The following KCTD1 variants were observed in gnomAD, a reference collection of about 807,000 sequenced individuals.
KCTD1 encodes BTB/POZ domain-containing protein KCTD1.
KCTD1 carries 24 observed loss-of-function variants against 66.0 expected under a neutral mutation model. The ratio of observed to expected loss-of-function variants is 0.36; its 90% CI spans 0.26 to 0.51. The LOEUF (loss-of-function observed/expected upper bound fraction) is 0.51, where lower values mean the gene tolerates loss of function less well. Ranked by LOEUF, KCTD1 falls within the 20% of genes least tolerant of loss-of-function variation. The pLI is 0.95. For missense variants in KCTD1, 943 were observed against 1,205.2 expected, an observed-to-expected ratio of 0.78 and a Z score of 3.22; for synonymous variants, 511 against 517.2, an observed-to-expected ratio of 0.99 and a Z score of 0.16.
In KCTD1 at chr18:26,611,918, G is replaced by A. The variant is rs567010981; in HGVS notation, c.-16+17229C>T. On this transcript the variant is annotated intron_variant, in intron 1 of 4. Transcript: ENST00000317932. Reference sequence around the variant, plus strand: ...TTTTGGGGTTTTGCTTTTAAGATTTGTTAGGTGGCTCTGGAGTAGTGCTTA... The same window carrying A: ...TTTTGGGGTTTTGCTTTTAAGATTTATTAGGTGGCTCTGGAGTAGTGCTTA... Among the ~76,000 whole-genome samples the A allele has an allele frequency of 7.9e-5, 12 of 152,268 alleles. No individual in the cohort carries two copies. The South Asian group carries it at 2.5e-3, about 32-fold the overall frequency.
intron 1 of KCTD1, among the ~76,000 whole-genome samples, chr18:26,579,342 G>T (rs992740021): frequency 2.0e-5 from 3 of 152,060 alleles, no homozygotes; most frequent in Admixed American, 1.3e-4. Flanking sequence ...GACACACTTG[G>T]CAATCAAAAC....
At chr18:26,583,393 C>CA (rs55720907) in intron 1 of KCTD1, among the ~76,000 whole-genome samples, 4,168 of 83,694 alleles carry the variant, frequency 0.05, 150 homozygotes, top group Middle Eastern at 0.12. Flanking sequence ...GACTTTGTCT[C>CA]AAAAAAAAAA....
intron 3 of KCTD1, among the ~76,000 whole-genome samples, chr18:26,464,781 T>A (rs1377844985): frequency 1.3e-5 from 2 of 152,222 alleles, no homozygotes; most frequent in Non-Finnish European, 2.9e-5. Context: ...GGGATCCTGC[T>A]CTTGGGACCC....
At chr18:26,649,083 G>A (rs1182777171) in intron 1 of KCTD1, among the ~76,000 whole-genome samples, 2 of 152,188 alleles carry the variant, frequency 1.3e-5, no homozygotes, top group Non-Finnish European at 2.9e-5. Context: ...CTATTTCTAA[G>A]CAACCAGAAG....
intron 3 of KCTD1, among the ~76,000 whole-genome samples, chr18:26,471,119 G>A (rs1981035144): frequency 6.6e-6 from 1 of 152,070 alleles, no homozygotes; most frequent in Admixed American, 6.5e-5. Context: ...AAAATGCCTT[G>A]AAGACACAAC....
chr18:26,507,149 G>A (rs780452816), intron 1 of KCTD1, among the ~76,000 whole-genome samples: 8 of 152,150 alleles, frequency 5.3e-5, no homozygotes, highest in Non-Finnish European at 7.3e-5. Context: ...CTGGGTAACA[G>A]AGCAAAACTC....
chr18:26,653,364 T>C (rs1176403931), intron 1 of KCTD1, among the ~76,000 whole-genome samples: 2 of 152,222 alleles, frequency 1.3e-5, no homozygotes, highest in African/African-American at 2.4e-5. Flanking sequence ...CTCTGTTCTG[T>C]CTCTCTTGCC....
chr18:26,466,984 T>C (rs1980768172), intron 3 of KCTD1, among the ~76,000 whole-genome samples: 1 of 152,078 alleles, frequency 6.6e-6, no homozygotes, highest in Non-Finnish European at 1.5e-5. Flanking sequence ...GCAGGGAAAC[T>C]CAAATATAGT....
At chr18:26,486,078 A>G (rs1266331001) in intron 2 of KCTD1, among the ~76,000 whole-genome samples, 1 of 151,788 alleles carries the variant, frequency 6.6e-6, no homozygotes, top group Non-Finnish European at 1.5e-5. Context: ...TAGGCCAGCT[A>G]ATTTTTGTAT....
At chr18:26,546,638 T>C (rs1016130620) in intron 1 of KCTD1, 90 bp downstream of exon 1, 5 of 1,394,476 alleles carry the variant, frequency 3.6e-6, no homozygotes, top group Admixed American at 5.9e-5. Flanking sequence ...TTTTTAAAAC[T>C]TCCCCCCTAC....
At chr18:26,572,326 G>C (rs1325784933) in intron 1 of KCTD1, among the ~76,000 whole-genome samples, 1 of 152,166 alleles carries the variant, frequency 6.6e-6, no homozygotes, top group African/African-American at 2.4e-5. Context: ...CCAAAGTGCT[G>C]GGATTCAGGT....
chr18:26,628,635 T>C (rs1053543904), intron 1 of KCTD1, among the ~76,000 whole-genome samples: 1 of 152,184 alleles, frequency 6.6e-6, no homozygotes, highest in African/African-American at 2.4e-5. Context: ...TTTGCCCTTT[T>C]TCTTGTGTTT....
intron 2 of KCTD1, among the ~76,000 whole-genome samples, chr18:26,481,567 G>A (rs1981650223): frequency 6.6e-6 from 1 of 152,194 alleles, no homozygotes; most frequent in African/African-American, 2.4e-5. Flanking sequence ...GGGCAATAGC[G>A]ACTGGTGTCA....
chr18:26,594,696 T>C (rs1051294141), intron 1 of KCTD1, among the ~76,000 whole-genome samples: 1 of 152,188 alleles, frequency 6.6e-6, no homozygotes, highest in Admixed American at 6.5e-5. Flanking sequence ...ACCAACAGTC[T>C]AGACGCTGCT....
chr18:26,577,673 A>C (rs1039848612), intron 1 of KCTD1, among the ~76,000 whole-genome samples: 4 of 152,056 alleles, frequency 2.6e-5, no homozygotes, highest in Non-Finnish European at 4.4e-5. Context: ...AGCCTGCTGA[A>C]TGGCTAGGAC....
intron 1 of KCTD1, among the ~76,000 whole-genome samples, chr18:26,574,726 C>A (rs1986185573): frequency 6.6e-6 from 1 of 152,078 alleles, no homozygotes; most frequent in Non-Finnish European, 1.5e-5. Flanking sequence ...CGGTGAAGAT[C>A]AAAACTTTTG....
chr18:26,548,733 G>T, upstream of KCTD1: 1 of 747,970 alleles, frequency 1.3e-6, no homozygotes, highest in Non-Finnish European at 1.7e-6. Context: ...GAGGGGGGAG[G>T]GGGGGACAAG....
intron 1 of KCTD1, among the ~76,000 whole-genome samples, chr18:26,517,251 T>A (rs1233637262): frequency 6.6e-6 from 1 of 152,100 alleles, no homozygotes; most frequent in Non-Finnish European, 1.5e-5. Flanking sequence ...ATAATCCCCA[T>A]GTGTTGTGGG....
At position 26,498,367 on chromosome 18, in the gene KCTD1, G is replaced by A. The variant is rs572125798; in HGVS notation, c.1988+2705C>T. ...TTTATGTATTTCAGTATCAGGTTAG[G>A]GGAGGGGTAGGTTTAGTGAGATGCT... On this transcript the variant is annotated intron_variant, in intron 2 of 4. Coordinates refer to ENST00000580059, the MANE Select transcript of KCTD1 (RefSeq NM_001142730.3). 2.0e-3 allele frequency among the ~76,000 whole-genome samples: 309 copies of A among 151,510 alleles called. 1 individual carries two copies. The highest frequency in any genetic ancestry group is 3.3e-3 in the Non-Finnish European group (225 of 67,902).
Sources: allele counts gnomAD v4.1 joint callset (sites outside exome capture counted in the v4.1 genomes callset), GRCh38; gene constraint gnomAD v4.1.1; transcripts MANE v1.5; gene names NCBI Gene and HGNC (gene_info 2026-07-23, HGNC 2026-07-21).